Variants in MCM4 observed in about 807,000 individuals in gnomAD.
MCM4 encodes DNA replication licensing factor MCM4.
In MCM4, 60 loss-of-function variants were observed where a neutral mutation model predicts 88.7. That is an observed-to-expected ratio of 0.68 (90% CI 0.55 to 0.84). The LOEUF (loss-of-function observed/expected upper bound fraction) is 0.84, where lower values mean the gene tolerates loss of function less well. Ranked by LOEUF, MCM4 falls within the 40% of genes least tolerant of loss-of-function variation. The pLI, the probability that MCM4 is intolerant of heterozygous loss-of-function variation, is 0.00. For missense variants in MCM4, 1,149 were observed against 1,105.5 expected (o/e 1.04, Z -0.56); for synonymous variants, 465 against 410.5 (o/e 1.13, Z -1.61).
At position 47,962,222 on chromosome 8, in the gene MCM4, T is replaced by A. The variant is rs750712647; in HGVS notation, c.399+6T>A. 3.7e-6 allele frequency: 6 copies of A among 1,614,096 alleles called. No homozygotes were observed. The highest frequency in any genetic ancestry group is 5.1e-6 in the Non-Finnish European group (6 of 1,180,008). On this transcript the variant is annotated splice_donor_region_variant and intron_variant, in intron 4 of 16. Coordinates refer to ENST00000649973, the MANE Select transcript of MCM4 (RefSeq NM_182746.3). ...TGGATCTGCAGTCTGACGGGGTGAGTATGCAGTCTCCTGAAACCATCTTAT... is the reference window on the plus strand; with the variant it reads ...TGGATCTGCAGTCTGACGGGGTGAGAATGCAGTCTCCTGAAACCATCTTAT...
chr8:47,964,714 T>C lies in MCM4; in HGVS notation c.832+2T>C, dbSNP rs1408879284. 8 of 1,540,750 alleles carry C rather than the reference T, an allele frequency of 5.2e-6. No individual in the cohort carries two copies. Among genetic ancestry groups the C allele is most frequent in the Non-Finnish European group, 1.7e-6 (2 of 1,148,466 alleles). ...ATATGAGAAACCTGAATCCAGAAGG[T>C]AATGTATTTTTCATAGGATTACTTT... On this transcript the variant is annotated splice_donor_variant, in intron 8 of 16. Transcript: ENST00000649973. LOFTEE classifies it high-confidence loss of function.
In MCM4 at chr8:47,970,783, C is replaced by T. The variant is rs777655316; in HGVS notation, c.1707C>T (p.Gly569=). 4.3e-6 allele frequency: 7 copies of T among 1,614,170 alleles called. No homozygotes were observed. Among genetic ancestry groups the T allele is most frequent in the Non-Finnish European group, 4.2e-6 (5 of 1,180,030 alleles). The change falls in exon 12 of 17, where the codon GGC becomes GGT. Residue 569 remains glycine (G), a synonymous_variant. Transcript: ENST00000649973. ...QTGALVLSDN[G]ICCIDEFDKM... ...GTGCTCTTGTCCTGAGTGACAACGG[C>T]ATCTGCTGTATCGATGAGTTCGACA...
chr8:47,961,535 G>A lies in MCM4; in HGVS notation c.90G>A (p.Arg30=), dbSNP rs1489476887. The A allele has an allele frequency of 6.2e-7, 1 of 1,614,112 alleles. No homozygotes were observed. ...PAQTPRSEDA[R]SSPSQRRRGE... ...CACAAGCTCGGAGTGAGGATGCCAG[G>A]TCATCTCCCTCTCAGAGACGTAGAG... is the stretch of plus-strand genomic sequence containing the variant. Residue 30 remains arginine, a synonymous_variant, in exon 3 of 17, where the codon AGG becomes AGA. Transcript: ENST00000649973.
At chr8:47,962,015 T>TGATA in intron 3 of MCM4, 38 bp from the exon 4 acceptor site, 1 of 1,597,724 alleles carries the variant, frequency 6.3e-7, no homozygotes, top group South Asian at 1.1e-5. Flanking sequence ...ATTTCAGGTT[T>TGATA]GATATGCCAC....
rs2090852055 is a variant in MCM4 at position 47,962,368 on chromosome 8, A to G, written c.463A>G (p.Thr155Ala). The change falls in exon 5 of 17, where the codon ACA (threonine) becomes GCA (alanine). Residue 155 changes from threonine (T) to alanine (A), a missense_variant. Coordinates refer to ENST00000649973, the MANE Select transcript of MCM4 (RefSeq NM_182746.3). ...SLGQKLVIWG[T>A]DVNVAACKEN... ...AGGCCAAAAACTTGTGATCTGGGGA[A>G]CAGATGTAAATGTGGCAGCATGCAA... The G allele has an allele frequency of 6.2e-7, 1 of 1,614,236 alleles. No individual in the cohort carries two copies. The highest frequency in any genetic ancestry group is 8.5e-7 in the Non-Finnish European group (1 of 1,180,036).
intron 10 of MCM4, 82 bp from the exon 11 acceptor site, chr8:47,969,716 C>A: frequency 1.4e-6 from 2 of 1,438,970 alleles, no homozygotes; most frequent in South Asian, 1.2e-5. Flanking sequence ...CTCTGAAGTG[C>A]ACCTGTTGCC....
rs371518919 is a variant in MCM4, at chr8:47,962,109, C to T, written c.292C>T (p.Arg98Trp). The change falls in exon 4 of 17, where the codon CGG becomes TGG. Residue 98 changes from arginine to tryptophan, a missense_variant. Physicochemically the swap from Arg to Trp is moderately radical, Grantham distance 101 (BLOSUM62 -3). Around this residue, in one of 3 missense-constraint regions of MCM4, gnomAD observed 906 missense variants for 843.0 expected, o/e 1.07. Transcript: ENST00000649973. ...ACTGACATACGGCACTCCCAGCTCT[C>T]GGGTAGAGGGAACCCCAAGAAGTGG... is the stretch of plus-strand genomic sequence containing the variant. ...SPLTYGTPSS[R>W]VEGTPRSGVR... 47 of 1,614,154 alleles carry T rather than the reference C, an allele frequency of 2.9e-5. 1 individual carries two copies. In the African/African-American group the frequency reaches 3.7e-4, roughly 13 times the overall value.
Position 47,971,384 on chromosome 8 carries a change from C to G in MCM4, c.1844C>G (p.Ala615Gly), listed in dbSNP as rs886062978. ...CTCAATGCGCGCACCTCTGTCCTGG[C>G]AGCAGCAAATCCCATTGAGTCTCAG... Reference protein sequence around the residue: ...CQLNARTSVLAAANPIESQWN... With the variant: ...CQLNARTSVLGAANPIESQWN... The change falls in exon 13 of 17, where the codon GCA becomes GGA. Residue 615 changes from alanine (A) to glycine (G), a missense_variant. By Grantham distance (60) the Ala-to-Gly change is moderately conservative. Around this residue, in one of 3 missense-constraint regions of MCM4, gnomAD observed 906 missense variants for 843.0 expected, o/e 1.07. Transcript: ENST00000649973. The G allele has an allele frequency of 5.6e-6, 9 of 1,614,098 alleles. No homozygotes were observed. The highest frequency in any genetic ancestry group is 7.6e-6 in the Non-Finnish European group (9 of 1,180,010).
intron 7 of MCM4, among the ~76,000 whole-genome samples, chr8:47,963,529 G>A (rs1446145584): frequency 1.3e-5 from 2 of 152,034 alleles, no homozygotes; most frequent in African/African-American, 4.8e-5. Flanking sequence ...CCTGAAAGTG[G>A]GACTTGTATT....
At chr8:47,961,101 G>A in intron 1 of MCM4, 30 bp from the exon 2 acceptor site, 1 of 1,518,232 alleles carries the variant, frequency 6.6e-7, no homozygotes, top group Admixed American at 2.0e-5. Flanking sequence ...CGGGAGGCGG[G>A]CCCGGCCCGA....
At chr8:47,968,937 G>A (rs2090925418) in intron 10 of MCM4, 1 of 151,908 alleles carries the variant, frequency 6.6e-6, no homozygotes, top group South Asian at 2.1e-4. Context: ...GTAGGTTGGG[G>A]GGACCTAGTC....
chr8:47,964,615 C>A lies in MCM4; in HGVS notation c.735C>A (p.Phe245Leu). ...PTFDMAVNEI[F>L]FDRYPDSILE... Reference sequence around the variant, plus strand: ...TTGACATGGCTGTCAATGAAATCTTCTTTGACCGTTACCCTGACTCAATCT... The same window carrying A: ...TTGACATGGCTGTCAATGAAATCTTATTTGACCGTTACCCTGACTCAATCT... Residue 245 changes from phenylalanine to leucine, a missense_variant, in exon 8 of 17, where the codon TTC becomes TTA. Physicochemically the swap from Phe to Leu is conservative, Grantham distance 22. Coordinates refer to ENST00000649973, the MANE Select transcript of MCM4 (RefSeq NM_182746.3). 1 of 1,603,062 alleles carries A rather than the reference C, an allele frequency of 6.2e-7. No homozygotes were observed. The highest frequency in any genetic ancestry group is 8.5e-7 in the Non-Finnish European group (1 of 1,177,358).
intron 7 of MCM4, among the ~76,000 whole-genome samples, chr8:47,964,031 C>G (rs889339940): frequency 1.3e-5 from 2 of 152,158 alleles, no homozygotes; most frequent in Non-Finnish European, 2.9e-5. Context: ...CAAGACCAGC[C>G]TGACCAACGT....
At chr8:47,965,457 A>G (rs1187085148) in intron 8 of MCM4, among the ~76,000 whole-genome samples, 1 of 152,138 alleles carries the variant, frequency 6.6e-6, no homozygotes. Context: ...GCAACAGGTT[A>G]AGACCCCATC....
Position 47,962,058 on chromosome 8 carries a change from C to T in MCM4, c.241C>T (p.Pro81Ser), listed in dbSNP as rs886062975. 2 of 1,613,718 alleles carry T rather than the reference C, an allele frequency of 1.2e-6. No homozygotes were observed. Among genetic ancestry groups the T allele is most frequent in the Non-Finnish European group, 1.7e-6 (2 of 1,179,926 alleles). ...SPPQMHSSAIPLDFDVSSPLT... is the reference protein window; with the variant it reads ...SPPQMHSSAISLDFDVSSPLT... ...TCCTAATTTTGTTTTTATAGCTATC[C>T]CTCTTGACTTTGATGTTAGTTCACC... The change falls in exon 4 of 17, where the codon CCT (proline) becomes TCT (serine). Residue 81 changes from proline (P) to serine (S), a missense_variant. Transcript: ENST00000649973.
intron 13 of MCM4, 29 bp downstream of exon 13, chr8:47,971,497 T>C: frequency 6.2e-7 from 1 of 1,610,378 alleles, no homozygotes; most frequent in Non-Finnish European, 8.5e-7. Flanking sequence ...ATTTTGTTCA[T>C]TTGTAGAATA....
chr8:47,961,876 C>T, intron 3 of MCM4, 177 bp from the exon 4 acceptor site: 1 of 899,168 alleles, frequency 1.1e-6, no homozygotes, highest in Non-Finnish European at 1.7e-6. Flanking sequence ...GCAGAGGAAG[C>T]AGCTTCTCTG....
In MCM4 at chr8:47,976,709, A is replaced by G. The variant is rs1297043836; in HGVS notation, c.2523A>G (p.Glu841=). 1.9e-6 allele frequency: 3 copies of G among 1,613,250 alleles called. No homozygotes were observed. The East Asian group carries it at 6.7e-5, about 36-fold the overall frequency. ...SDIAITKDMF[E]EALRALADDD... Reference sequence around the variant, plus strand: ...AGGCAATTACTAAAGATATGTTTGAAGAAGCACTGCGTGCCCTGGCAGATG... The same window carrying G: ...AGGCAATTACTAAAGATATGTTTGAGGAAGCACTGCGTGCCCTGGCAGATG... Residue 841 remains glutamate (E), a synonymous_variant, in exon 17 of 17, where the codon GAA becomes GAG. Transcript: ENST00000649973.
intron 8 of MCM4, among the ~76,000 whole-genome samples, chr8:47,965,786 GTCC>G (rs2090892876): frequency 6.6e-6 from 1 of 152,162 alleles, no homozygotes; most frequent in African/African-American, 2.4e-5. Flanking sequence ...GGCACGTTCA[GTCC>G]TTGGCTCTGG....
Sources: gnomAD v4.1 joint callset for allele counts (sites outside exome capture counted in the v4.1 genomes callset) on GRCh38, gnomAD v4.1.1 for gene constraint, gnomAD v4.1.1 regional missense constraint, MANE v1.5 for transcripts, NCBI Gene and HGNC (gene_info 2026-07-23, HGNC 2026-07-21) for gene names.